GUCY1A2: variants seen among roughly 807,000 people sequenced by gnomAD.
The protein encoded by GUCY1A2 is guanylate cyclase 1 soluble subunit alpha 2.
GUCY1A2 carries 27 observed loss-of-function variants against 63.5 expected under a neutral mutation model. That is an observed-to-expected ratio of 0.43 (90% CI 0.31 to 0.59). The LOEUF (loss-of-function observed/expected upper bound fraction) is 0.59. GUCY1A2 is among the 20% of genes least tolerant of loss of function. The pLI is 0.11. For synonymous variants in GUCY1A2, 364 were observed against 343.5 expected, an observed-to-expected ratio of 1.06 and a Z score of -0.66; for missense variants, 768 against 913.3, an observed-to-expected ratio of 0.84 and a Z score of 2.05.
chr11:106,707,271 C>T (rs1411924708), intron 7 of GUCY1A2, among the ~76,000 whole-genome samples: 6 of 151,884 alleles, frequency 4.0e-5, no homozygotes, highest in African/African-American at 1.5e-4. Flanking sequence ...ACTTTAAATT[C>T]CCTCTCTGGA....
At chr11:106,997,919 G>C (rs1000278090) in intron 1 of GUCY1A2, among the ~76,000 whole-genome samples, 3 of 152,076 alleles carry the variant, frequency 2.0e-5, no homozygotes, top group African/African-American at 7.2e-5. Flanking sequence ...TTTCTGTAGG[G>C]AAAGTATGTA....
intron 6 of GUCY1A2, among the ~76,000 whole-genome samples, chr11:106,741,901 C>T (rs1016226132): frequency 6.6e-6 from 1 of 152,168 alleles, no homozygotes; most frequent in Non-Finnish European, 1.5e-5. Context: ...ATTTGACTTG[C>T]ATTCACTTCC....
At chr11:106,848,505 G>A (rs1186407471) in intron 4 of GUCY1A2, among the ~76,000 whole-genome samples, 1 of 151,616 alleles carries the variant, frequency 6.6e-6, no homozygotes, top group Non-Finnish European at 1.5e-5. Flanking sequence ...TTTAAGAACT[G>A]TAAATGGTAG....
chr11:106,764,275 A>G (rs1455701576), intron 6 of GUCY1A2, among the ~76,000 whole-genome samples: 2 of 152,068 alleles, frequency 1.3e-5, no homozygotes, highest in Non-Finnish European at 2.9e-5. Flanking sequence ...AATAGCAATA[A>G]TTTTTTAAGG....
At chr11:106,808,153 T>C (rs903790728) in intron 5 of GUCY1A2, among the ~76,000 whole-genome samples, 1 of 152,166 alleles carries the variant, frequency 6.6e-6, no homozygotes, top group South Asian at 2.1e-4. Flanking sequence ...TACACTAGCA[T>C]TGAAGATATG....
intron 6 of GUCY1A2, among the ~76,000 whole-genome samples, chr11:106,717,254 T>A (rs1863232314): frequency 6.6e-6 from 1 of 152,214 alleles, no homozygotes; most frequent in Admixed American, 6.5e-5. Flanking sequence ...ATAATGATAA[T>A]ACCTTCTTGG....
At chr11:107,007,182 A>T (rs1340090585) in intron 1 of GUCY1A2, among the ~76,000 whole-genome samples, 1 of 152,180 alleles carries the variant, frequency 6.6e-6, no homozygotes, top group Non-Finnish European at 1.5e-5. Context: ...GATTAGTCCT[A>T]ACTTTGAAAG....
chr11:106,770,643 C>A (rs1330383653), intron 6 of GUCY1A2, among the ~76,000 whole-genome samples: 2 of 150,858 alleles, frequency 1.3e-5, no homozygotes, highest in African/African-American at 4.9e-5. Flanking sequence ...CCTGTAAGCT[C>A]ATTAAAAGTT....
At chr11:107,007,133 G>A (rs1861681784) in intron 1 of GUCY1A2, among the ~76,000 whole-genome samples, 1 of 152,066 alleles carries the variant, frequency 6.6e-6, no homozygotes, top group Non-Finnish European at 1.5e-5. Flanking sequence ...AAAAAAAAAT[G>A]CATGAATGAT....
At chr11:106,760,874 C>T (rs1374518435) in intron 6 of GUCY1A2, among the ~76,000 whole-genome samples, 1 of 152,004 alleles carries the variant, frequency 6.6e-6, no homozygotes, top group Non-Finnish European at 1.5e-5. Context: ...AGAAGGAAGA[C>T]AGGAACTGAG....
chr11:106,793,047 A>C (rs1302947715), intron 5 of GUCY1A2, among the ~76,000 whole-genome samples: 1 of 152,214 alleles, frequency 6.6e-6, no homozygotes, highest in Non-Finnish European at 1.5e-5. Context: ...AAATTCATAT[A>C]TAACTACAAT....
At chr11:106,714,783 G>C (rs186874196) in intron 6 of GUCY1A2, among the ~76,000 whole-genome samples, 18 of 152,240 alleles carry the variant, frequency 1.2e-4, no homozygotes, top group Non-Finnish European at 2.9e-5. Flanking sequence ...ATCTGTTAGA[G>C]TTAGAAATTC....
At chr11:106,723,932 C>T (rs1448803364) in intron 6 of GUCY1A2, among the ~76,000 whole-genome samples, 5 of 152,056 alleles carry the variant, frequency 3.3e-5, no homozygotes. Flanking sequence ...TTTTCTTCAA[C>T]TGTTTCACCT....
intron 6 of GUCY1A2, among the ~76,000 whole-genome samples, chr11:106,764,242 C>T (rs1233594138): frequency 6.6e-6 from 1 of 152,048 alleles, no homozygotes; most frequent in African/African-American, 2.4e-5. Context: ...TACGTCTTCA[C>T]ACTTCTTTCT....
intron 1 of GUCY1A2, among the ~76,000 whole-genome samples, chr11:107,007,584 C>A (rs550558090): frequency 6.6e-6 from 1 of 152,226 alleles, no homozygotes; most frequent in East Asian, 1.9e-4. Context: ...CCAATTTGAT[C>A]TACATACTCA....
chr11:106,987,957 A>G (rs2120145672), intron 1 of GUCY1A2, among the ~76,000 whole-genome samples: 1 of 152,314 alleles, frequency 6.6e-6, no homozygotes, highest in East Asian at 1.9e-4. Context: ...AATTAATTTT[A>G]GGAGGAATCA....
chr11:106,959,700 C>T (rs1223162767), intron 3 of GUCY1A2, among the ~76,000 whole-genome samples: 1 of 152,230 alleles, frequency 6.6e-6, no homozygotes, highest in Non-Finnish European at 1.5e-5. Flanking sequence ...AGGGGCAATT[C>T]TGAAGAGATC....
intron 1 of GUCY1A2, among the ~76,000 whole-genome samples, chr11:107,012,664 G>A (rs1861764167): frequency 6.6e-6 from 1 of 152,022 alleles, no homozygotes; most frequent in African/African-American, 2.4e-5. Context: ...AAATGATTGG[G>A]GATAAGGTAA....
chr11:106,882,925 T>A (rs1003487209), intron 4 of GUCY1A2, among the ~76,000 whole-genome samples: 1 of 152,046 alleles, frequency 6.6e-6, no homozygotes, highest in Non-Finnish European at 1.5e-5. Flanking sequence ...CAATTCCTCA[T>A]CCCATCATTC....
Sources: allele counts gnomAD v4.1 joint callset (sites outside exome capture counted in the v4.1 genomes callset), GRCh38; gene constraint gnomAD v4.1.1; transcripts MANE v1.5; gene names NCBI Gene and HGNC (gene_info 2026-07-23, HGNC 2026-07-21).